Variants in MSN observed in about 807,000 individuals in gnomAD.
MSN encodes the protein moesin.
In MSN, 2 loss-of-function variants were observed where a neutral mutation model predicts 48.0. That is an observed-to-expected ratio of 0.04 (90% CI 0.02 to 0.13). The LOEUF is 0.13. Among genes scored for constraint, MSN ranks in the 10% least tolerant of loss-of-function variants. The pLI, the probability that MSN is intolerant of heterozygous loss-of-function variation, is 1.00. For synonymous variants in MSN, 146 were observed against 166.9 expected (o/e 0.87, Z 0.97); for missense variants, 267 against 470.1 (o/e 0.57, Z 3.99).
intron 2 of MSN, among the ~76,000 whole-genome samples, chrX:65,727,469 T>G (rs1309731848): frequency 8.9e-6 from 1 of 112,060 alleles, no homozygotes; most frequent in Non-Finnish European, 1.9e-5. Flanking sequence ...CTTGGGCAAG[T>G]TATTTCATTT....
chrX:65,664,422 C>G (rs1274839154), upstream of MSN, among the ~76,000 whole-genome samples: 1 of 111,666 alleles, frequency 9.0e-6, no homozygotes, highest in Non-Finnish European at 1.9e-5. Context: ...ACATGTACCC[C>G]CTGTATCTAA....
chrX:65,728,441 C>G (rs1359425999), intron 3 of MSN, among the ~76,000 whole-genome samples: 2 of 110,779 alleles, frequency 1.8e-5, no homozygotes, highest in Non-Finnish European at 3.8e-5. Context: ...TTACAGGTGC[C>G]TGCCACCACG....
At chrX:65,650,233 G>A (rs1323515612) in intron 1 of MSN, among the ~76,000 whole-genome samples, 1 of 108,589 alleles carries the variant, frequency 9.2e-6, no homozygotes, top group Non-Finnish European at 1.9e-5. Context: ...GACCACAGGT[G>A]CATGCCACTA....
At position 65,700,800 on chromosome X, in the gene MSN, C is replaced by T. The variant is rs189893177; in HGVS notation, c.13-16018C>T. Among the ~76,000 whole-genome samples, 265 of 111,916 alleles carry T rather than the reference C, an allele frequency of 2.4e-3. 1 individual carries two copies. The highest frequency in any genetic ancestry group is 7.7e-3 in the African/African-American group (237 of 30,730). On this transcript the variant is annotated intron_variant, in intron 1 of 12. Coordinates refer to ENST00000360270, the MANE Select transcript of MSN (RefSeq NM_002444.3). Reference sequence around the variant, plus strand: ...GGTAAATGTTTAACAATCAACTCTTCGGCAAATCCATGATTTTTACTGTTT... The same window carrying T: ...GGTAAATGTTTAACAATCAACTCTTTGGCAAATCCATGATTTTTACTGTTT...
chrX:65,615,583 T>G (rs2070362790), intron 1 of MSN, among the ~76,000 whole-genome samples: 1 of 106,319 alleles, frequency 9.4e-6, no homozygotes, highest in Admixed American at 1.0e-4. Flanking sequence ...TTGTTTGAGT[T>G]CATTGTAGAT....
intron 1 of MSN, among the ~76,000 whole-genome samples, chrX:65,591,925 T>C (rs1475219339): frequency 9.0e-6 from 1 of 111,030 alleles, no homozygotes; most frequent in Non-Finnish European, 1.9e-5. Context: ...ATCCATTGCC[T>C]ATGAGTATTA....
intron 1 of MSN, chrX:65,624,964 C>A (rs994744980): frequency 5.4e-5 from 6 of 111,478 alleles, no homozygotes; most frequent in African/African-American, 2.0e-4. Flanking sequence ...ACTTTATTCC[C>A]AAATTTTTGG....
intron 1 of MSN, among the ~76,000 whole-genome samples, chrX:65,598,689 C>T (rs1373325909): frequency 3.6e-5 from 4 of 111,165 alleles, no homozygotes; most frequent in Admixed American, 9.6e-5. Context: ...AACAGACTGG[C>T]CTGAGAGTCT....
chrX:65,621,131 G>C (rs2070440503), intron 1 of MSN, among the ~76,000 whole-genome samples: 1 of 110,601 alleles, frequency 9.0e-6, no homozygotes, highest in Admixed American at 9.7e-5. Flanking sequence ...TAGCCAGGAT[G>C]GTCTCAATCT....
In MSN at chrX:65,708,431, T is replaced by C. The variant is rs886675285; in HGVS notation, c.13-8387T>C. Among the ~76,000 whole-genome samples, 3 of 110,114 alleles carry C rather than the reference T, an allele frequency of 2.7e-5. No homozygotes were observed. In the Admixed American group the frequency reaches 2.9e-4, roughly 11 times the overall value. Reference sequence around the variant, plus strand: ...CTTCAGCCTCCCGAGTAGCTGGGATTACAGGTGTGTGCCACCATGCCCAGC... The same window carrying C: ...CTTCAGCCTCCCGAGTAGCTGGGATCACAGGTGTGTGCCACCATGCCCAGC... On this transcript the variant is annotated intron_variant, in intron 1 of 12. Transcript: ENST00000360270.
At chrX:65,622,591 A>G (rs2070461269) in intron 1 of MSN, among the ~76,000 whole-genome samples, 1 of 96,736 alleles carries the variant, frequency 1.0e-5, no homozygotes, top group Admixed American at 1.3e-4. Flanking sequence ...ATTTCCGCTC[A>G]CTGACACCTC....
intron 1 of MSN, among the ~76,000 whole-genome samples, chrX:65,631,747 G>A (rs1192162391): frequency 1.8e-5 from 2 of 111,644 alleles, no homozygotes; most frequent in Non-Finnish European, 3.8e-5. Flanking sequence ...TGATCATGGC[G>A]CACTGCAGCC....
intron 1 of MSN, among the ~76,000 whole-genome samples, chrX:65,617,185 G>C (rs9778966): frequency 0.17 from 17,396 of 103,034 alleles, 5,674 homozygotes; most frequent in African/African-American, 0.71. Context: ...TGTTGTGTCT[G>C]TGCCTGGCTT....
chrX:65,711,047 G>T (rs2147494356), intron 1 of MSN, among the ~76,000 whole-genome samples: 1 of 104,671 alleles, frequency 9.6e-6, no homozygotes, highest in Admixed American at 1.0e-4. Flanking sequence ...ACCATGCCCG[G>T]CTAATTTTTG....
chrX:65,654,796 C>G (rs1449871387), intron 1 of MSN, among the ~76,000 whole-genome samples: 1 of 111,383 alleles, frequency 9.0e-6, no homozygotes, highest in Non-Finnish European at 1.9e-5. Context: ...GGAGAAGGGT[C>G]TGCTCAAAGC....
In MSN at chrX:65,603,219, G is replaced by T. The variant is rs767562514; in HGVS notation, c.-22+14607G>T. Among the ~76,000 whole-genome samples the T allele has an allele frequency of 3.6e-5, 4 of 111,979 alleles. No individual in the cohort carries two copies. In the East Asian group the frequency reaches 8.4e-4, roughly 23 times the overall value. On this transcript the variant is annotated intron_variant, in intron 1 of 3. Transcript: ENST00000609672. ...TGAGGCAGGAGAATCACTTGAAGTT[G>T]GGAGGTGTAGGTTGCAGCAAGCTGA... is the stretch of plus-strand genomic sequence containing the variant.
chrX:65,638,074 AATAAAAATATTCATTGCGTAAAAT>A (rs1447936221), intron 1 of MSN, among the ~76,000 whole-genome samples: 3 of 112,420 alleles, frequency 2.7e-5, no homozygotes, highest in Non-Finnish European at 5.6e-5. Flanking sequence ...ATGGATTGTC[AATAAAAATATTCATTGCGTAAAAT>A]TCAACAGGTG....
At chrX:65,692,319 T>C (rs2071181737) in intron 1 of MSN, among the ~76,000 whole-genome samples, 1 of 112,525 alleles carries the variant, frequency 8.9e-6, no homozygotes, top group African/African-American at 3.2e-5. Flanking sequence ...GCCTTCCTAG[T>C]ATGAGAATGG....
chrX:65,645,619 G>A (rs2070689597), intron 1 of MSN, among the ~76,000 whole-genome samples: 1 of 111,450 alleles, frequency 9.0e-6, no homozygotes, highest in Non-Finnish European at 1.9e-5. Context: ...AGGAGCAGAA[G>A]GCTCAAAGAC....
Sources: gnomAD v4.1 joint callset for allele counts (sites outside exome capture counted in the v4.1 genomes callset) on GRCh38, gnomAD v4.1.1 for gene constraint, MANE v1.5 for transcripts, NCBI Gene and HGNC (gene_info 2026-07-23, HGNC 2026-07-21) for gene names.